LRRC7: variants seen among roughly 807,000 people sequenced by gnomAD.
LRRC7 encodes the protein leucine rich repeat containing 7.
In LRRC7, 23 loss-of-function variants were observed where a neutral mutation model predicts 175.7. The ratio of observed to expected loss-of-function variants is 0.13; its 90% confidence interval spans 0.09 to 0.19. The LOEUF (loss-of-function observed/expected upper bound fraction) is 0.19. LRRC7 is among the 10% of genes least tolerant of loss of function. The probability of loss-of-function intolerance (pLI) is 1.00; values close to 1 mark genes in which losing one functional copy is unlikely to be tolerated. For synonymous variants in LRRC7, 685 were observed against 680.9 expected, an observed-to-expected ratio of 1.01 and a Z score of -0.09; for missense variants, 1,354 against 1,904.7, an observed-to-expected ratio of 0.71 and a Z score of 5.38.
At chr1:69,858,230 G>A (rs975306438) in intron 7 of LRRC7, among the ~76,000 whole-genome samples, 2 of 152,058 alleles carry the variant, frequency 1.3e-5, no homozygotes, top group African/African-American at 4.8e-5. Flanking sequence ...AACACCAAAA[G>A]CAATGGCAAC....
Position 69,855,577 on chromosome 1 carries a change from T to C in LRRC7, c.647+17294T>C, listed in dbSNP as rs4584351. Among the ~76,000 whole-genome samples, 600 of 152,232 alleles carry C rather than the reference T, an allele frequency of 3.9e-3. 4 individuals are homozygous for C. The highest frequency in any genetic ancestry group is 0.013 in the African/African-American group (556 of 41,532). On this transcript the variant is annotated intron_variant, in intron 7 of 26. Transcript: ENST00000651989. The stretch of plus-strand genomic sequence containing the variant: ...GGTCAATTTTGGAATAAGTGCGATG[T>C]GGTGCTGAGAAGAATGTATATTCTG...
chr1:70,119,027 C>A (rs757406283), intron 26 of LRRC7, among the ~76,000 whole-genome samples: 2 of 150,152 alleles, frequency 1.3e-5, no homozygotes, highest in Non-Finnish European at 1.5e-5. Flanking sequence ...GGTCTAAAGT[C>A]GCATGTTTTG....
chr1:69,929,180 T>C (rs536215626), intron 7 of LRRC7, among the ~76,000 whole-genome samples: 36 of 152,332 alleles, frequency 2.4e-4, no homozygotes, highest in African/African-American at 7.9e-4. Flanking sequence ...ACTGGCCCAG[T>C]TGGAAAGACT....
At chr1:70,010,709 A>G (rs545743301) in intron 11 of LRRC7, among the ~76,000 whole-genome samples, 170 of 152,356 alleles carry the variant, frequency 1.1e-3, no homozygotes, top group African/African-American at 3.9e-3. Context: ...TAGTAAGAAC[A>G]GTTTAATAAT....
chr1:69,928,341 C>T (rs1051411655), intron 7 of LRRC7, among the ~76,000 whole-genome samples: 1 of 152,334 alleles, frequency 6.6e-6, no homozygotes, highest in Admixed American at 6.5e-5. Flanking sequence ...TCAAAGCTGT[C>T]AGACAGGGAC....
At chr1:69,662,685 C>A (rs1051982849) in intron 1 of LRRC7, among the ~76,000 whole-genome samples, 1 of 152,216 alleles carries the variant, frequency 6.6e-6, no homozygotes, top group African/African-American at 2.4e-5. Context: ...ATCAACTCAA[C>A]ATAGTTGGCT....
At chr1:69,606,309 T>C (rs917369316) in intron 1 of LRRC7, among the ~76,000 whole-genome samples, 21 of 152,164 alleles carry the variant, frequency 1.4e-4, no homozygotes, top group Admixed American at 3.3e-4. Flanking sequence ...TATGATGTCA[T>C]ACATTTTGTC....
At chr1:70,048,622 ATAT>A (rs2102053279) in intron 22 of LRRC7, among the ~76,000 whole-genome samples, 1 of 152,254 alleles carries the variant, frequency 6.6e-6, no homozygotes, top group African/African-American at 2.4e-5. Context: ...AGAGAAGTAG[ATAT>A]TATAGGATGG....
At chr1:69,807,491 G>C (rs1311058175) in intron 4 of LRRC7, among the ~76,000 whole-genome samples, 2 of 152,054 alleles carry the variant, frequency 1.3e-5, no homozygotes, top group African/African-American at 2.4e-5. Flanking sequence ...AGGCAGGCCT[G>C]GTGGTGACAA....
intron 4 of LRRC7, among the ~76,000 whole-genome samples, chr1:69,804,290 A>G (rs976940850): frequency 4.0e-5 from 6 of 151,436 alleles, no homozygotes; most frequent in Non-Finnish European, 3.0e-5. Flanking sequence ...GGTATAGGCT[A>G]GAGATCTACT....
At chr1:69,795,752 A>G (rs1293847299) in intron 4 of LRRC7, among the ~76,000 whole-genome samples, 1 of 152,034 alleles carries the variant, frequency 6.6e-6, no homozygotes, top group Non-Finnish European at 1.5e-5. Flanking sequence ...GTGGCCTCCT[A>G]CCTTTATTTT....
chr1:69,796,019 G>A (rs1047658387), intron 4 of LRRC7, among the ~76,000 whole-genome samples: 1 of 149,742 alleles, frequency 6.7e-6, no homozygotes, highest in Non-Finnish European at 1.5e-5. Context: ...TGCAGGTTTT[G>A]TTACATATGT....
intron 7 of LRRC7, among the ~76,000 whole-genome samples, chr1:69,929,974 AT>A (rs1647224277): frequency 6.6e-6 from 1 of 152,092 alleles, no homozygotes; most frequent in Admixed American, 6.5e-5. Context: ...CCATATTAGC[AT>A]GCTTTTTCAT....
Position 70,122,403 on chromosome 1 carries a change from A to G in LRRC7, c.*516A>G, listed in dbSNP as rs1666257282. Reference sequence around the variant, plus strand: ...TAAACTAAACATCTCAGATAGAGAAAAAATATATCTTAAAATAAGACTTTA... The same window carrying G: ...TAAACTAAACATCTCAGATAGAGAAGAAATATATCTTAAAATAAGACTTTA... On this transcript the variant is annotated 3_prime_UTR_variant, in exon 27 of 27. Transcript: ENST00000651989. 1 of 152,256 alleles carries G rather than the reference A, an allele frequency of 6.6e-6. No individual in the cohort carries two copies. Among genetic ancestry groups the G allele is most frequent in the Admixed American group, 6.5e-5 (1 of 15,284 alleles). The allele number at this position is 152,256 out of a possible 1,614,324, so 9.4% of individuals were successfully genotyped here. A position where few individuals can be genotyped will look rare whatever the true frequency, so the allele number is the denominator to read the frequency against.
chr1:69,865,085 C>T (rs147713326), intron 7 of LRRC7, among the ~76,000 whole-genome samples: 1 of 152,264 alleles, frequency 6.6e-6, no homozygotes, highest in Non-Finnish European at 1.5e-5. Flanking sequence ...CTGGTTATTT[C>T]ACCTGAGAAC....
intron 23 of LRRC7, among the ~76,000 whole-genome samples, chr1:70,055,732 C>A (rs1047132820): frequency 6.6e-6 from 1 of 152,082 alleles, no homozygotes; most frequent in African/African-American, 2.4e-5. Flanking sequence ...CTCATAAGAA[C>A]CCCATCACAA....
intron 8 of LRRC7, among the ~76,000 whole-genome samples, chr1:69,959,374 C>T (rs1650819663): frequency 1.3e-5 from 2 of 151,888 alleles, no homozygotes; most frequent in Non-Finnish European, 2.9e-5. Context: ...GTAAATTTAG[C>T]CTATCAGTGA....
intron 3 of LRRC7, among the ~76,000 whole-genome samples, chr1:69,773,114 A>G (rs1672425313): frequency 6.6e-6 from 1 of 152,186 alleles, no homozygotes; most frequent in African/African-American, 2.4e-5. Context: ...TGAGGTCAAA[A>G]TACATTTTAT....
chr1:70,099,134 G>A (rs1040355303), intron 25 of LRRC7, among the ~76,000 whole-genome samples: 59 of 142,788 alleles, frequency 4.1e-4, no homozygotes, highest in African/African-American at 1.5e-3. Context: ...TGATCAAGTG[G>A]GCTTCATCCC....
Sources: allele counts gnomAD v4.1 joint callset (sites outside exome capture counted in the v4.1 genomes callset), GRCh38; gene constraint gnomAD v4.1.1; transcripts MANE v1.5; gene names NCBI Gene and HGNC (gene_info 2026-07-23, HGNC 2026-07-21).